The following DNAH2 variants were observed in gnomAD, a reference collection of about 807,000 sequenced individuals.
The protein encoded by DNAH2 is axonemal beta dynein heavy chain 2.
A neutral mutation model predicts 523.5 loss-of-function variants in DNAH2; 323 were observed. The observed-to-expected ratio is 0.62, with a 90% CI of 0.56 to 0.68. DNAH2 has a LOEUF of 0.68. Among genes scored for constraint, DNAH2 ranks in the 30% least tolerant of loss-of-function variants. The pLI is 0.00. For missense variants in DNAH2, 4,907 were observed against 5,701.5 expected, an observed-to-expected ratio of 0.86 and a Z score of 4.49; for synonymous variants, 2,093 against 2,177.4, an observed-to-expected ratio of 0.96 and a Z score of 1.08.
In DNAH2 at chr17:7,798,724, A is replaced by G; in HGVS notation, c.8559+6A>G. Reference sequence around the variant, plus strand: ...AGCCTGATGAATTTGAAGAGGTAGGATTCCTTCCACACCCTTGACCAGTCA... The same window carrying G: ...AGCCTGATGAATTTGAAGAGGTAGGGTTCCTTCCACACCCTTGACCAGTCA... On this transcript the variant is annotated splice_donor_region_variant and intron_variant, in intron 55 of 85. Transcript: ENST00000572933. The surrounding 1 kb of genome is among the most constrained non-coding windows in gnomAD (Gnocchi z 5.5). The G allele has an allele frequency of 6.2e-7, 1 of 1,611,150 alleles. No homozygotes were observed. The highest frequency in any genetic ancestry group is 1.1e-5 in the South Asian group (1 of 91,038).
chr17:7,739,582 C>T (rs2075245690), intron 8 of DNAH2, 151 bp from the exon 9 acceptor site: 1 of 786,428 alleles, frequency 1.3e-6, no homozygotes, highest in Admixed American at 2.9e-5. Flanking sequence ...GTTGGCCCTC[C>T]CTGGTTTTTA....
At chr17:7,779,519 A>G in intron 36 of DNAH2, 96 bp downstream of exon 36, 1 of 1,319,510 alleles carries the variant, frequency 7.6e-7, no homozygotes, top group Non-Finnish European at 1.0e-6. Context: ...TTCCATGCGA[A>G]TGTATATAGC....
At chr17:7,739,959 T>C in intron 9 of DNAH2, 21 bp downstream of exon 9, 1 of 1,610,820 alleles carries the variant, frequency 6.2e-7, no homozygotes, top group Non-Finnish European at 8.5e-7. Context: ...CACAGGCTGA[T>C]GCCAGGCGTG....
intron 46 of DNAH2, 48 bp downstream of exon 46, chr17:7,792,391 G>A (rs765622767): frequency 3.2e-6 from 5 of 1,583,790 alleles, no homozygotes; most frequent in Non-Finnish European, 4.3e-6. Context: ...AGCGGTAGGT[G>A]GGGGATGTGG....
intron 30 of DNAH2, among the ~76,000 whole-genome samples, chr17:7,775,691 CAA>C (rs1184382847): frequency 3.6e-5 from 3 of 82,820 alleles, no homozygotes; most frequent in Non-Finnish European, 2.7e-5. Context: ...GTCTCAAAAC[CAA>C]AAAAAAAAAA....
At position 7,786,662 on chromosome 17, in the gene DNAH2, C is replaced by T. The variant is rs2076743353; in HGVS notation, c.6441C>T (p.Ser2147=). 6.2e-7 allele frequency: 1 copy of T among 1,613,978 alleles called. No individual in the cohort carries two copies. Among genetic ancestry groups the T allele is most frequent in the Non-Finnish European group, 8.5e-7 (1 of 1,180,030 alleles). The change falls in exon 41 of 86, where the codon TCC becomes TCT. Residue 2147 remains serine (S), a synonymous_variant. Coordinates refer to ENST00000572933, the MANE Select transcript of DNAH2 (RefSeq NM_020877.5). This position sits in a 1 kb window ranked among gnomAD's most constrained non-coding sequence, Gnocchi z 7.5. ...ATGAATGGACAGATGGCATCTTGTC[C>T]AGTGTCATGCGGACGGCATGTGCAG... ...STNEWTDGIL[S]SVMRTACADE... is the part of the protein sequence containing the mutation.
rs977794449 is a variant in DNAH2, at chr17:7,824,360, A to T, written c.11662+56A>T. 13 of 1,478,616 alleles carry T rather than the reference A, an allele frequency of 8.8e-6. 1 individual carries two copies. The highest frequency in any genetic ancestry group is 4.9e-5 in the Admixed American group (2 of 40,778). The allele number at this position is 1,478,616 out of a possible 1,614,324, so 91.6% of individuals were successfully genotyped here. A position where few individuals can be genotyped will look rare whatever the true frequency, so the allele number is the denominator to read the frequency against. Reference sequence around the variant, plus strand: ...CTTCAGCCCAGTCCTTGTCCCTAGAACCTCCAACCTCAATTACACTACTGT... The same window carrying T: ...CTTCAGCCCAGTCCTTGTCCCTAGATCCTCCAACCTCAATTACACTACTGT... On this transcript the variant is annotated intron_variant, in intron 76 of 85. Coordinates refer to ENST00000572933, the MANE Select transcript of DNAH2 (RefSeq NM_020877.5).
intron 77 of DNAH2, among the ~76,000 whole-genome samples, chr17:7,827,960 A>T (rs1277079175): frequency 1.3e-5 from 2 of 151,932 alleles, no homozygotes; most frequent in Non-Finnish European, 2.9e-5. Context: ...TTTGGGATGG[A>T]GTCTCACTCT....
chr17:7,780,525 T>A lies in DNAH2; in HGVS notation c.5851-105T>A. ...GAGAATCCATAGAGTGCCTCCTAGC[T>A]GCTTCATGTCCTGGGACCTGGCTTC... On this transcript the variant is annotated intron_variant, in intron 37 of 85. Transcript: ENST00000572933. This position sits in a 1 kb window ranked among gnomAD's most constrained non-coding sequence, Gnocchi z 4.4. 1 of 1,524,958 alleles carries A rather than the reference T, an allele frequency of 6.6e-7. No individual in the cohort carries two copies. The highest frequency in any genetic ancestry group is 8.9e-7 in the Non-Finnish European group (1 of 1,122,574). The allele number at this position is 1,524,958 out of a possible 1,614,324, so 94.5% of individuals were successfully genotyped here.
rs1345874592 is a variant in DNAH2, at chr17:7,732,025, G to A, written c.400-1062G>A. On this transcript the variant is annotated intron_variant, in intron 4 of 85. Transcript: ENST00000572933. ...GCCTGGGCAACAACAGCGAAACTTCGTCTCAAAAAAAAAAAAAAAAAGGAC... is the reference window on the plus strand; with the variant it reads ...GCCTGGGCAACAACAGCGAAACTTCATCTCAAAAAAAAAAAAAAAAAGGAC... Among the ~76,000 whole-genome samples, 77 of 87,788 alleles carry A rather than the reference G, an allele frequency of 8.8e-4. 1 individual carries two copies. The highest frequency in any genetic ancestry group is 1.3e-3 in the Non-Finnish European group (61 of 46,284). 57.6% of individuals were successfully genotyped at this position (87,788 alleles called of 152,430 possible). A position where few individuals can be genotyped will look rare whatever the true frequency, so the allele number is the denominator to read the frequency against.
intron 48 of DNAH2, among the ~76,000 whole-genome samples, chr17:7,793,509 TTC>T (rs1410020764): frequency 5.4e-5 from 7 of 130,814 alleles, no homozygotes; most frequent in African/African-American, 7.8e-5. Context: ...CTTTCTTTCT[TTC>T]TTTCTTCTCT....
intron 8 of DNAH2, chr17:7,738,865 C>A: frequency 1.5e-6 from 1 of 676,972 alleles, no homozygotes; most frequent in South Asian, 1.5e-5. Flanking sequence ...GGCTCCTGGT[C>A]TAGGTTTGCA....
intron 44 of DNAH2, among the ~76,000 whole-genome samples, chr17:7,788,552 A>G (rs2076810525): frequency 6.6e-6 from 1 of 152,164 alleles, no homozygotes; most frequent in South Asian, 2.1e-4. Context: ...TCCGCTCCTC[A>G]CTTCTCCATC....
At position 7,770,262 on chromosome 17, in the gene DNAH2, C is replaced by A; in HGVS notation, c.3952C>A (p.Gln1318Lys). 1 of 1,605,874 alleles carries A rather than the reference C, an allele frequency of 6.2e-7. No individual in the cohort carries two copies. Residue 1318 changes from glutamine (Q) to lysine (K), a missense_variant, in exon 25 of 86, where the codon CAG becomes AAG. Around this residue, in one of 3 missense-constraint regions of DNAH2, gnomAD observed 2,806 missense variants for 3,190.8 expected, o/e 0.88. Transcript: ENST00000572933. ...TGTTCCTGGCTGCAGGCACTGGGAC[C>A]AGGTCCGGGATGAGATCCAGCGGGA... Reference protein sequence around the residue: ...NPALRERHWDQVRDEIQREFD... With the variant: ...NPALRERHWDKVRDEIQREFD...
At chr17:7,758,442 G>A in intron 13 of DNAH2, 53 bp from the exon 14 acceptor site, 1 of 1,568,750 alleles carries the variant, frequency 6.4e-7, no homozygotes, top group Non-Finnish European at 8.7e-7. Context: ...TGAAGTGGAG[G>A]AAAGATCTTC....
Position 7,765,265 on chromosome 17 carries a change from G to T in DNAH2, c.3337-126G>T, listed in dbSNP as rs1025920866. ...CTGGTCATCCTCCACTCATGAGAGGGCAGACCTCCTGCTCCTGGTCATCCT... is the reference window on the plus strand; with the variant it reads ...CTGGTCATCCTCCACTCATGAGAGGTCAGACCTCCTGCTCCTGGTCATCCT... On this transcript the variant is annotated intron_variant, in intron 20 of 85. Coordinates refer to ENST00000572933, the MANE Select transcript of DNAH2 (RefSeq NM_020877.5). The T allele has an allele frequency of 1.2e-5, 8 of 655,120 alleles. No individual in the cohort carries two copies. The African/African-American group carries it at 1.3e-4, about 11-fold the overall frequency. 40.6% of individuals were successfully genotyped at this position (655,120 alleles called of 1,614,324 possible). A position where few individuals can be genotyped will look rare whatever the true frequency, so the allele number is the denominator to read the frequency against.
In DNAH2 at chr17:7,831,360, G is replaced by T; in HGVS notation, c.12460-30G>T. The T allele has an allele frequency of 1.2e-6, 2 of 1,614,040 alleles. No individual in the cohort carries two copies. The highest frequency in any genetic ancestry group is 1.1e-5 in the South Asian group (1 of 91,074). Reference sequence around the variant, plus strand: ...GGGAGGGAAAGTGATGAGAAGAGGGGGCTACACTCAAGAGCTCCTGCCTGC... The same window carrying T: ...GGGAGGGAAAGTGATGAGAAGAGGGTGCTACACTCAAGAGCTCCTGCCTGC... On this transcript the variant is annotated intron_variant, in intron 80 of 85. Coordinates refer to ENST00000572933, the MANE Select transcript of DNAH2 (RefSeq NM_020877.5). This position sits in a 1 kb window ranked among gnomAD's most constrained non-coding sequence, Gnocchi z 4.2.
chr17:7,781,687 C>A (rs981095666), intron 39 of DNAH2, among the ~76,000 whole-genome samples: 2 of 152,208 alleles, frequency 1.3e-5, no homozygotes, highest in Non-Finnish European at 2.9e-5. Flanking sequence ...CTCCCTCCTC[C>A]GCTGACCTAC....
intron 63 of DNAH2, among the ~76,000 whole-genome samples, chr17:7,815,043 C>T (rs771999208): frequency 2.6e-5 from 4 of 152,208 alleles, no homozygotes; most frequent in Non-Finnish European, 5.9e-5. Context: ...GTCTGGAACT[C>T]CTGACCTGGT....
Sources: gnomAD v4.1 joint callset for allele counts (sites outside exome capture counted in the v4.1 genomes callset) on GRCh38, gnomAD v4.1.1 for gene constraint, gnomAD v4.1.1 regional missense constraint, Gnocchi (gnomAD v3.1) non-coding constraint, MANE v1.5 for transcripts, NCBI Gene and HGNC (gene_info 2026-07-23, HGNC 2026-07-21) for gene names.